The following HIPK3 variants were observed in gnomAD, a reference collection of about 807,000 sequenced individuals.
HIPK3 encodes the protein homeodomain-interacting protein kinase 3.
HIPK3 carries 47 observed loss-of-function variants against 124.2 expected under a neutral mutation model. The ratio of observed to expected loss-of-function variants is 0.38; its 90% CI spans 0.30 to 0.48. The LOEUF (loss-of-function observed/expected upper bound fraction) is 0.48. Ranked by LOEUF, HIPK3 falls within the 20% of genes least tolerant of loss-of-function variation. The pLI is 0.98. For synonymous variants in HIPK3, 482 were observed against 515.2 expected (o/e 0.94, Z 0.87); for missense variants, 1,286 against 1,454.3 (o/e 0.88, Z 1.88).
chr11:33,311,737 G>A (rs1455308306), intron 2 of HIPK3, among the ~76,000 whole-genome samples: 1 of 151,830 alleles, frequency 6.6e-6, no homozygotes, highest in Non-Finnish European at 1.5e-5. Context: ...GCCATATGCA[G>A]TGGCATATAC....
intron 2 of HIPK3, among the ~76,000 whole-genome samples, chr11:33,316,651 GTC>G (rs1293841784): frequency 6.6e-6 from 1 of 152,070 alleles, no homozygotes; most frequent in East Asian, 1.9e-4. Context: ...GCAAGACCAT[GTC>G]TCTACAAAAA....
At chr11:33,257,182 C>A (rs1296000740), upstream of HIPK3, 3 of 943,372 alleles carry the variant, frequency 3.2e-6, no homozygotes, top group African/African-American at 5.3e-5. Context: ...CACGGGCTGG[C>A]AGGCGGGCTC....
At chr11:33,318,118 T>A (rs1852558408) in intron 2 of HIPK3, among the ~76,000 whole-genome samples, 1 of 152,232 alleles carries the variant, frequency 6.6e-6, no homozygotes, top group South Asian at 2.1e-4. Context: ...CTGATTAGTT[T>A]TAAAATCAAA....
intron 1 of HIPK3, among the ~76,000 whole-genome samples, chr11:33,278,907 A>G (rs1002318501): frequency 2.0e-5 from 3 of 152,254 alleles, no homozygotes; most frequent in Non-Finnish European, 4.4e-5. Context: ...CAATTTTTAA[A>G]AAGGAAAAGA....
At chr11:33,302,342 C>CTTTTTTTTTTTTT (rs58735030) in intron 2 of HIPK3, among the ~76,000 whole-genome samples, 57 of 135,724 alleles carry the variant, frequency 4.2e-4, no homozygotes, top group Non-Finnish European at 6.2e-4. Flanking sequence ...TTCCTTACTT[C>CTTTTTTTTTTTTT]TTTTTTTTTT....
chr11:33,301,179 T>C (rs1042989280), intron 2 of HIPK3, among the ~76,000 whole-genome samples: 5 of 152,198 alleles, frequency 3.3e-5, no homozygotes, highest in African/African-American at 9.7e-5. Flanking sequence ...TGCTCAATTT[T>C]GGAATACATT....
At chr11:33,338,535 T>C (rs1853229960) in intron 4 of HIPK3, among the ~76,000 whole-genome samples, 1 of 152,222 alleles carries the variant, frequency 6.6e-6, no homozygotes, top group Non-Finnish European at 1.5e-5. Flanking sequence ...CCCGGCCTAG[T>C]TATTTTCTTT....
chr11:33,296,069 T>A (rs1851835807), intron 2 of HIPK3, among the ~76,000 whole-genome samples: 1 of 152,220 alleles, frequency 6.6e-6, no homozygotes, highest in African/African-American at 2.4e-5. Context: ...GAAGAGCTTT[T>A]TTTCCCCCTC....
rs779140704 is a variant in HIPK3 at position 33,286,596 on chromosome 11, C to G, written c.182C>G (p.Ala61Gly). Residue 61 changes from alanine to glycine, a missense_variant, in exon 2 of 17, where the codon GCT becomes GGT. Physicochemically the swap from Ala to Gly is moderately conservative, Grantham distance 60 (BLOSUM62 0). Coordinates refer to ENST00000303296, the MANE Select transcript of HIPK3 (RefSeq NM_005734.5). ...TCTCATCCTCCCACTAAGGGTAGTG[C>G]TTTTCAGACAAAGATACCATTTAAT... ...GNSHPPTKGS[A>G]FQTKIPFNRP... is the part of the protein sequence containing the mutation. 1.9e-6 allele frequency: 3 copies of G among 1,614,082 alleles called. No homozygotes were observed. The highest frequency in any genetic ancestry group is 8.5e-7 in the Non-Finnish European group (1 of 1,179,990).
Position 33,328,648 on chromosome 11 carries a change from T to G in HIPK3, c.1221+15T>G. The G allele has an allele frequency of 6.2e-7, 1 of 1,611,108 alleles. No individual in the cohort carries two copies. The highest frequency in any genetic ancestry group is 1.7e-4 in the Middle Eastern group (1 of 6,054). ...AGTATGATCAGGTAACAAATAATGA[T>G]AATCTAATAGAATTGGTAAAAAGTA... On this transcript the variant is annotated intron_variant, in intron 3 of 16. Transcript: ENST00000303296.
intron 2 of HIPK3, among the ~76,000 whole-genome samples, chr11:33,315,361 G>T (rs1377799145): frequency 6.6e-6 from 1 of 152,126 alleles, no homozygotes; most frequent in African/African-American, 2.4e-5. Context: ...CAAGTAGCTG[G>T]GATTACAGGC....
chr11:33,351,585 TA>T (rs759204434), intron 14 of HIPK3, 22 bp from the exon 15 acceptor site: 9 of 1,569,992 alleles, frequency 5.7e-6, no homozygotes, highest in Admixed American at 1.7e-5. Flanking sequence ...ATATCACTCA[TA>T]AAAAATGCTT....
chr11:33,257,820 C>T lies in HIPK3; in HGVS notation c.-72C>T. On this transcript the variant is annotated 5_prime_UTR_variant, in exon 1 of 17. Transcript: ENST00000303296. ...CTGGCTCCCGGTCCCCGGCACGGCC[C>T]TGCGCCCCACCCCGGACATGCTCAG... The T allele has an allele frequency of 1.0e-6, 1 of 986,464 alleles. No homozygotes were observed. The highest frequency in any genetic ancestry group is 1.2e-6 in the Non-Finnish European group (1 of 830,788). The allele number at this position is 986,464 out of a possible 1,614,324, so 61.1% of individuals were successfully genotyped here.
chr11:33,352,013 C>G, intron 15 of HIPK3, 125 bp from the exon 16 acceptor site: 1 of 1,090,714 alleles, frequency 9.2e-7, no homozygotes, highest in Non-Finnish European at 1.3e-6. Flanking sequence ...ACCATGACCT[C>G]TCCTTTGATT....
At chr11:33,286,372 T>C in intron 1 of HIPK3, 41 bp from the exon 2 acceptor site, 1 of 1,394,082 alleles carries the variant, frequency 7.2e-7, no homozygotes, top group Non-Finnish European at 9.4e-7. Context: ...ATATTTCTTC[T>C]TTCCTTTTTT....
intron 16 of HIPK3, 103 bp from the exon 17 acceptor site, chr11:33,352,989 G>A: frequency 1.5e-6 from 1 of 678,396 alleles, no homozygotes; most frequent in Non-Finnish European, 2.5e-6. Context: ...GATCCACTAT[G>A]AGTTATCAAT....
At chr11:33,328,899 T>C (rs1468025908) in intron 3 of HIPK3, among the ~76,000 whole-genome samples, 1 of 152,234 alleles carries the variant, frequency 6.6e-6, no homozygotes, top group Non-Finnish European at 1.5e-5. Context: ...AAAGGTTGGA[T>C]TGTGTGTCCA....
chr11:33,311,670 C>T (rs193212908), intron 2 of HIPK3, among the ~76,000 whole-genome samples: 6 of 152,016 alleles, frequency 3.9e-5, no homozygotes, highest in South Asian at 2.1e-4. Flanking sequence ...ATTGCTATCA[C>T]GCAAAGTCAG....
intron 1 of HIPK3, chr11:33,258,203 C>A (rs959686948): frequency 2.1e-6 from 1 of 486,782 alleles, no homozygotes; most frequent in Non-Finnish European, 2.7e-6. Context: ...CCGGGGGCCT[C>A]GGCCCCCCCT....
Sources: gnomAD v4.1 joint callset for allele counts (sites outside exome capture counted in the v4.1 genomes callset) on GRCh38, gnomAD v4.1.1 for gene constraint, MANE v1.5 for transcripts, NCBI Gene and HGNC (gene_info 2026-07-23, HGNC 2026-07-21) for gene names.